RPS6KC1: variants seen among roughly 807,000 people sequenced by gnomAD.
RPS6KC1 encodes inactive ribosomal protein S6 kinase delta-1.
RPS6KC1 carries 54 observed loss-of-function variants against 103.8 expected under a neutral mutation model. The ratio of observed to expected loss-of-function variants is 0.52; its 90% confidence interval spans 0.42 to 0.65. The LOEUF is 0.65. Among genes scored for constraint, RPS6KC1 ranks in the 30% least tolerant of loss-of-function variants. The pLI, the probability that RPS6KC1 is intolerant of heterozygous loss-of-function variation, is 0.00. For missense variants in RPS6KC1, 1,151 were observed against 1,253.8 expected, an observed-to-expected ratio of 0.92 and a Z score of 1.24; for synonymous variants, 439 against 438.7, an observed-to-expected ratio of 1.00 and a Z score of -0.01.
chr1:213,144,512 C>CA (rs1181931047), intron 6 of RPS6KC1, among the ~76,000 whole-genome samples: 1 of 152,074 alleles, frequency 6.6e-6, no homozygotes, highest in East Asian at 1.9e-4. Context: ...CCCAGCCTCC[C>CA]ACAGTGCTGG....
the RPS6KC1 span, among the ~76,000 whole-genome samples, chr1:213,473,567 A>G: frequency 6.6e-6 from 1 of 152,144 alleles, no homozygotes; most frequent in Non-Finnish European, 1.5e-5. Flanking sequence ...TGGGTATGGG[A>G]TTTACTTTTG....
intron 5 of RPS6KC1, among the ~76,000 whole-genome samples, chr1:213,125,602 T>G (rs892977188): frequency 6.7e-6 from 1 of 148,498 alleles, no homozygotes; most frequent in Non-Finnish European, 1.5e-5. Context: ...GGTTTGGCTA[T>G]ATAAATTTCT....
In RPS6KC1 at chr1:213,176,532, C is replaced by T. The variant is rs758897603; in HGVS notation, c.1044+40C>T. 23 of 1,289,080 alleles carry T rather than the reference C, an allele frequency of 1.8e-5. No homozygotes were observed. The Admixed American group carries it at 2.2e-4, about 12-fold the overall frequency. The allele number at this position is 1,289,080 out of a possible 1,614,324, so 79.9% of individuals were successfully genotyped here. A position where few individuals can be genotyped will look rare whatever the true frequency, so the allele number is the denominator to read the frequency against. On this transcript the variant is annotated intron_variant, in intron 8 of 14. Transcript: ENST00000366960. ...TCTCTTCAAGAGTTCAGTCATAAATCGACTGCATGCTGACATTCTGTCTTT... is the reference window on the plus strand; with the variant it reads ...TCTCTTCAAGAGTTCAGTCATAAATTGACTGCATGCTGACATTCTGTCTTT...
chr1:213,539,746 G>A, the RPS6KC1 span, among the ~76,000 whole-genome samples: 89,116 of 144,094 alleles, frequency 0.62, 27,997 homozygotes, highest in Non-Finnish European at 0.7. Context: ...ATGATTAAGA[G>A]ATCCGAGTTT....
the RPS6KC1 span, among the ~76,000 whole-genome samples, chr1:213,702,364 T>C: frequency 3.3e-5 from 5 of 152,190 alleles, no homozygotes; most frequent in African/African-American, 1.2e-4. Context: ...ATAATCTATG[T>C]GCTAAGGAAA....
chr1:213,712,189 CCTTT>C, the RPS6KC1 span, among the ~76,000 whole-genome samples: 1 of 152,210 alleles, frequency 6.6e-6, no homozygotes, highest in Admixed American at 6.5e-5. Flanking sequence ...GGGGCTGCTG[CCTTT>C]CTTTCAGAGA....
chr1:213,511,515 G>C, the RPS6KC1 span, among the ~76,000 whole-genome samples: 47 of 152,278 alleles, frequency 3.1e-4, no homozygotes, highest in Non-Finnish European at 6.2e-4. Context: ...CTAATGTAGG[G>C]ATGGGATTCC....
the RPS6KC1 span, among the ~76,000 whole-genome samples, chr1:213,845,764 A>G: frequency 6.6e-6 from 1 of 152,188 alleles, no homozygotes; most frequent in African/African-American, 2.4e-5. Context: ...TACATATTAC[A>G]TAATCCTTCT....
chr1:213,156,740 CA>C (rs1161599063), intron 6 of RPS6KC1, among the ~76,000 whole-genome samples: 1 of 152,020 alleles, frequency 6.6e-6, no homozygotes, highest in Non-Finnish European at 1.5e-5. Flanking sequence ...TTTCTATACC[CA>C]ATGAAAATAT....
chr1:213,632,718 G>A, the RPS6KC1 span, among the ~76,000 whole-genome samples: 2 of 152,234 alleles, frequency 1.3e-5, no homozygotes, highest in African/African-American at 4.8e-5. Context: ...ACAGAAGCAG[G>A]CTTCAGAAGG....
chr1:213,279,127 T>C (rs1026234142), downstream of RPS6KC1, among the ~76,000 whole-genome samples: 1 of 152,286 alleles, frequency 6.6e-6, no homozygotes, highest in African/African-American at 2.4e-5. Flanking sequence ...GAGCTGGCAT[T>C]ATTGCAGCCT....
chr1:213,855,213 TC>T, the RPS6KC1 span, among the ~76,000 whole-genome samples: 1 of 152,210 alleles, frequency 6.6e-6, no homozygotes, highest in African/African-American at 2.4e-5. Flanking sequence ...CATAGCACTT[TC>T]CCAGAAAACA....
At chr1:213,414,104 T>G in the RPS6KC1 span, among the ~76,000 whole-genome samples, 1 of 152,168 alleles carries the variant, frequency 6.6e-6, no homozygotes, top group East Asian at 1.9e-4. Context: ...TTGACAGGCC[T>G]GGAGGTGGGG....
the RPS6KC1 span, among the ~76,000 whole-genome samples, chr1:213,650,559 C>G: frequency 2.0e-5 from 3 of 152,262 alleles, no homozygotes; most frequent in East Asian, 5.8e-4. Flanking sequence ...CATCTATGTC[C>G]GCATCCGGGC....
chr1:213,854,580 T>C, the RPS6KC1 span, among the ~76,000 whole-genome samples: 842 of 110,212 alleles, frequency 7.6e-3, 9 homozygotes, highest in African/African-American at 0.029. Context: ...CTCTCTCTCT[T>C]TCTTTCTTTC....
intron 6 of RPS6KC1, among the ~76,000 whole-genome samples, chr1:213,130,448 A>G (rs1050850829): frequency 1.3e-5 from 2 of 152,162 alleles, no homozygotes; most frequent in African/African-American, 4.8e-5. Context: ...TTTAACCCTT[A>G]AATTTTTCCT....
At chr1:213,589,903 A>C in the RPS6KC1 span, among the ~76,000 whole-genome samples, 2 of 87,044 alleles carry the variant, frequency 2.3e-5, no homozygotes, top group Non-Finnish European at 5.9e-5. Flanking sequence ...TTTTGTGGGC[A>C]TGTGTTTTGC....
At position 213,051,318 on chromosome 1, in the gene RPS6KC1, G is replaced by T; in HGVS notation, c.-87G>T. On this transcript the variant is annotated 5_prime_UTR_variant, in exon 1 of 15. Transcript: ENST00000366960. The stretch of plus-strand genomic sequence containing the variant: ...GCCACCGCCCCCTCGCCGCTTCGCC[G>T]CTGCGTTGGGGAACCTGGACCGCGG... The T allele has an allele frequency of 1.0e-6, 1 of 1,003,280 alleles. No individual in the cohort carries two copies. The highest frequency in any genetic ancestry group is 1.5e-6 in the Non-Finnish European group (1 of 653,710). 62.1% of individuals were successfully genotyped at this position (1,003,280 alleles called of 1,614,324 possible).
At chr1:213,485,790 A>G in the RPS6KC1 span, among the ~76,000 whole-genome samples, 8 of 152,198 alleles carry the variant, frequency 5.3e-5, no homozygotes, top group Non-Finnish European at 1.2e-4. Context: ...CTTTCACACA[A>G]TAGCAGATGT....
Sources: allele counts gnomAD v4.1 joint callset (sites outside exome capture counted in the v4.1 genomes callset), GRCh38; gene constraint gnomAD v4.1.1; transcripts MANE v1.5; gene names NCBI Gene and HGNC (gene_info 2026-07-23, HGNC 2026-07-21).